ARHGAP42: variants seen among roughly 807,000 people sequenced by gnomAD.
The protein encoded by ARHGAP42 is Rho GTPase activating protein 42.
A neutral mutation model predicts 125.0 loss-of-function variants in ARHGAP42; 63 were observed. That is an observed-to-expected ratio of 0.50 (90% CI 0.41 to 0.62). The LOEUF (loss-of-function observed/expected upper bound fraction) is 0.62. Among genes scored for constraint, ARHGAP42 ranks in the 20% least tolerant of loss-of-function variants. ARHGAP42 has a pLI of 0.00. For synonymous variants in ARHGAP42, 339 were observed against 351.0 expected (o/e 0.97, Z 0.38); for missense variants, 766 against 1,024.2 (o/e 0.75, Z 3.44).
chr11:100,869,258 A>C (rs1865644339), intron 4 of ARHGAP42, among the ~76,000 whole-genome samples: 1 of 152,146 alleles, frequency 6.6e-6, no homozygotes, highest in South Asian at 2.1e-4. Flanking sequence ...ATCATTTTTC[A>C]GACAGAAAGA....
chr11:100,839,096 G>A (rs748102302), intron 3 of ARHGAP42, among the ~76,000 whole-genome samples: 1 of 151,870 alleles, frequency 6.6e-6, no homozygotes, highest in Non-Finnish European at 1.5e-5. Flanking sequence ...TGGCAGCCTC[G>A]CATCCCTTCC....
At chr11:100,840,891 T>C (rs1378799954) in intron 3 of ARHGAP42, among the ~76,000 whole-genome samples, 1 of 152,180 alleles carries the variant, frequency 6.6e-6, no homozygotes, top group Non-Finnish European at 1.5e-5. Context: ...ATGTTAGTGC[T>C]GAGTCTGCTA....
chr11:100,902,942 A>G (rs138152987), intron 4 of ARHGAP42, among the ~76,000 whole-genome samples: 34 of 152,160 alleles, frequency 2.2e-4, no homozygotes, highest in East Asian at 5.8e-4. Context: ...TGCTTACCCA[A>G]TGAACGGCCC....
At chr11:100,847,175 G>A (rs1408201476) in intron 3 of ARHGAP42, among the ~76,000 whole-genome samples, 1 of 152,106 alleles carries the variant, frequency 6.6e-6, no homozygotes, top group Non-Finnish European at 1.5e-5. Flanking sequence ...CAAGGCAAAG[G>A]CCTCGATCCC....
At chr11:100,698,189 C>G (rs1043346292) in intron 1 of ARHGAP42, among the ~76,000 whole-genome samples, 3 of 152,170 alleles carry the variant, frequency 2.0e-5, no homozygotes, top group Non-Finnish European at 2.9e-5. Flanking sequence ...CCACACTCAG[C>G]CTTCAACTGT....
At chr11:100,959,432 G>A (rs2135297424) in intron 12 of ARHGAP42, among the ~76,000 whole-genome samples, 1 of 152,158 alleles carries the variant, frequency 6.6e-6, no homozygotes. Context: ...GAGAGCAGTG[G>A]AGGTTTTCAG....
At position 100,751,664 on chromosome 11, in the gene ARHGAP42, C is replaced by T. The variant is rs960469657; in HGVS notation, c.155-18679C>T. ...ACTGAAACACACTGAGGTCTTAACA[C>T]AGGCAAGGGGGAGCCACCTCAGCTC... On this transcript the variant is annotated intron_variant, in intron 1 of 23. Transcript: ENST00000298815. Among the ~76,000 whole-genome samples the T allele has an allele frequency of 3.3e-5, 5 of 151,168 alleles. 1 individual carries two copies. The South Asian group carries it at 6.3e-4, about 19-fold the overall frequency.
chr11:100,898,147 T>C (rs1441008730), intron 4 of ARHGAP42, among the ~76,000 whole-genome samples: 2 of 152,218 alleles, frequency 1.3e-5, no homozygotes, highest in East Asian at 1.9e-4. Context: ...TTACGTTTAC[T>C]GGTTTTTGTA....
chr11:100,888,531 A>G (rs1298628656), intron 4 of ARHGAP42, among the ~76,000 whole-genome samples: 1 of 152,204 alleles, frequency 6.6e-6, no homozygotes, highest in African/African-American at 2.4e-5. Context: ...TTCTAAGTAC[A>G]TATGGAAAAA....
intron 1 of ARHGAP42, among the ~76,000 whole-genome samples, chr11:100,696,446 C>G (rs1299676585): frequency 6.6e-6 from 1 of 151,864 alleles, no homozygotes; most frequent in African/African-American, 2.4e-5. Flanking sequence ...TTCCGCCTCC[C>G]GGGTTCAAGC....
rs765940704 is a variant in ARHGAP42 at position 100,973,167 on chromosome 11, A to G, written c.1551-8A>G. On this transcript the variant is annotated splice_region_variant and splice_polypyrimidine_tract_variant and intron_variant, in intron 17 of 23. Coordinates refer to ENST00000298815, the MANE Select transcript of ARHGAP42 (RefSeq NM_152432.4). ...ACTTAAGATATTTTTGTTGCTTTTT[A>G]TTTGCAGAGTATCACTACACAGCCA... 67 of 1,499,410 alleles carry G rather than the reference A, an allele frequency of 4.5e-5. 2 individuals are homozygous for G. In the Middle Eastern group the frequency reaches 1.9e-3, roughly 42 times the overall value. The allele number at this position is 1,499,410 out of a possible 1,614,324, so 92.9% of individuals were successfully genotyped here. A position where few individuals can be genotyped will look rare whatever the true frequency, so the allele number is the denominator to read the frequency against.
At chr11:100,851,013 C>G (rs1565241621) in intron 3 of ARHGAP42, among the ~76,000 whole-genome samples, 1 of 150,836 alleles carries the variant, frequency 6.6e-6, no homozygotes, top group Non-Finnish European at 1.5e-5. Context: ...TCCCAAGTAG[C>G]TTGGATTACA....
chr11:100,918,064 T>C (rs1867123022), intron 5 of ARHGAP42, among the ~76,000 whole-genome samples: 1 of 152,186 alleles, frequency 6.6e-6, no homozygotes, highest in Non-Finnish European at 1.5e-5. Context: ...ATGTTAATCT[T>C]GAATGTTGCT....
At chr11:100,768,537 A>T (rs571691409) in intron 1 of ARHGAP42, among the ~76,000 whole-genome samples, 66 of 152,316 alleles carry the variant, frequency 4.3e-4, no homozygotes, top group African/African-American at 1.6e-3. Flanking sequence ...AGAATTTATC[A>T]GTTCCTATTG....
chr11:100,920,897 T>C (rs1009556827), intron 5 of ARHGAP42, among the ~76,000 whole-genome samples: 1 of 152,062 alleles, frequency 6.6e-6, no homozygotes, highest in African/African-American at 2.4e-5. Flanking sequence ...TTAATATTCT[T>C]AGATGCTTCT....
intron 16 of ARHGAP42, 117 bp downstream of exon 16, chr11:100,962,584 T>C: frequency 4.1e-6 from 4 of 982,094 alleles, no homozygotes; most frequent in Non-Finnish European, 5.9e-6. Flanking sequence ...GCTTAAAAAG[T>C]TGTTAATCTG....
chr11:100,694,661 A>G (rs1861243948), intron 1 of ARHGAP42, among the ~76,000 whole-genome samples: 1 of 152,106 alleles, frequency 6.6e-6, no homozygotes, highest in South Asian at 2.1e-4. Flanking sequence ...GATAATCCTT[A>G]TAGTATAGCT....
chr11:100,755,298 C>G (rs1180644559), intron 1 of ARHGAP42, among the ~76,000 whole-genome samples: 1 of 152,150 alleles, frequency 6.6e-6, no homozygotes, highest in African/African-American at 2.4e-5. Context: ...AAGTCATTGA[C>G]CTTGAATCAC....
intron 2 of ARHGAP42, among the ~76,000 whole-genome samples, chr11:100,774,162 G>T (rs1228364946): frequency 6.6e-6 from 1 of 152,134 alleles, no homozygotes; most frequent in African/African-American, 2.4e-5. Context: ...GTAGGAGGAG[G>T]CTCTGAAGAA....
Sources: gnomAD v4.1 joint callset for allele counts (sites outside exome capture counted in the v4.1 genomes callset) on GRCh38, gnomAD v4.1.1 for gene constraint, MANE v1.5 for transcripts, NCBI Gene and HGNC (gene_info 2026-07-23, HGNC 2026-07-21) for gene names.